TMEM117: variants seen among roughly 807,000 people sequenced by gnomAD.
The protein encoded by TMEM117 is transmembrane protein 117.
TMEM117 carries 27 observed loss-of-function variants against 52.4 expected under a neutral mutation model. The ratio of observed to expected loss-of-function variants is 0.51; its 90% CI spans 0.38 to 0.71. TMEM117 has a LOEUF of 0.71. Among genes scored for constraint, TMEM117 ranks in the 30% least tolerant of loss-of-function variants. The probability of loss-of-function intolerance (pLI) is 0.00; values close to 1 mark genes in which losing one functional copy is unlikely to be tolerated. For synonymous variants in TMEM117, 215 were observed against 206.3 expected, an observed-to-expected ratio of 1.04 and a Z score of -0.36; for missense variants, 556 against 630.5, an observed-to-expected ratio of 0.88 and a Z score of 1.26.
intron 3 of TMEM117, among the ~76,000 whole-genome samples, chr12:44,040,995 T>C (rs1946788386): frequency 6.6e-6 from 1 of 151,930 alleles, no homozygotes; most frequent in Non-Finnish European, 1.5e-5. Context: ...AATGAAAAAA[T>C]AAGCACATGG....
At chr12:44,328,632 G>T (rs866359942) in intron 6 of TMEM117, among the ~76,000 whole-genome samples, 13 of 152,044 alleles carry the variant, frequency 8.6e-5, no homozygotes, top group Non-Finnish European at 1.8e-4. Context: ...TTGGAATTTA[G>T]ATGTTTTCCC....
At chr12:43,875,458 T>C (rs897265789) in intron 2 of TMEM117, among the ~76,000 whole-genome samples, 3 of 152,220 alleles carry the variant, frequency 2.0e-5, no homozygotes, top group African/African-American at 7.2e-5. Flanking sequence ...ATCTGAGCTT[T>C]TGGGATATGC....
intron 5 of TMEM117, among the ~76,000 whole-genome samples, chr12:44,213,115 G>A (rs940925842): frequency 1.3e-5 from 2 of 152,002 alleles, no homozygotes; most frequent in African/African-American, 4.8e-5. Flanking sequence ...ATAATTTAAT[G>A]ATTATAAGAA....
At chr12:44,161,583 G>C (rs1051790344) in intron 4 of TMEM117, among the ~76,000 whole-genome samples, 1 of 152,170 alleles carries the variant, frequency 6.6e-6, no homozygotes, top group Non-Finnish European at 1.5e-5. Flanking sequence ...ATGCATATGT[G>C]TGTGTGACAT....
chr12:44,135,133 C>T lies in TMEM117; in HGVS notation c.411-8392C>T, dbSNP rs2138179557. Among the ~76,000 whole-genome samples, 2 of 152,250 alleles carry T rather than the reference C, an allele frequency of 1.3e-5. 1 individual carries two copies. Among genetic ancestry groups the T allele is most frequent in the Admixed American group, 1.3e-4 (2 of 15,294 alleles). On this transcript the variant is annotated intron_variant, in intron 3 of 7. Transcript: ENST00000266534. ...TCACTGGGTTATTTTCTCATATAACCTCCAGGAAAGATATTTCCTTCTTTC... is the reference window on the plus strand; with the variant it reads ...TCACTGGGTTATTTTCTCATATAACTTCCAGGAAAGATATTTCCTTCTTTC...
At chr12:44,213,403 C>T (rs1364398289) in intron 5 of TMEM117, among the ~76,000 whole-genome samples, 1 of 152,186 alleles carries the variant, frequency 6.6e-6, no homozygotes, top group Non-Finnish European at 1.5e-5. Flanking sequence ...CTCTTCCCTA[C>T]AAAATTCCCC....
chr12:44,372,730 A>T (rs958527337), intron 6 of TMEM117, among the ~76,000 whole-genome samples: 2 of 152,208 alleles, frequency 1.3e-5, no homozygotes, highest in Non-Finnish European at 1.5e-5. Context: ...GTTCTTAATT[A>T]AAAGCAGGAA....
At chr12:44,029,750 T>C (rs1358424157) in intron 3 of TMEM117, among the ~76,000 whole-genome samples, 1 of 152,210 alleles carries the variant, frequency 6.6e-6, no homozygotes, top group Non-Finnish European at 1.5e-5. Flanking sequence ...CTGTGTTCTA[T>C]AGTGGAGAGG....
At chr12:43,845,379 T>G (rs1943185778) in intron 2 of TMEM117, among the ~76,000 whole-genome samples, 1 of 144,190 alleles carries the variant, frequency 6.9e-6, no homozygotes, top group Non-Finnish European at 1.5e-5. Flanking sequence ...GAGAATCGCT[T>G]GAACCTGGGA....
chr12:44,314,903 G>A (rs1013585763), intron 6 of TMEM117, among the ~76,000 whole-genome samples: 2 of 152,052 alleles, frequency 1.3e-5, no homozygotes, highest in Non-Finnish European at 2.9e-5. Context: ...TTTTTTGTAT[G>A]TAGGTTTTTT....
At chr12:43,850,883 GA>G in intron 2 of TMEM117, among the ~76,000 whole-genome samples, 1 of 152,152 alleles carries the variant, frequency 6.6e-6, no homozygotes, top group Admixed American at 6.5e-5. Flanking sequence ...TGATGATGAT[GA>G]TGATGATGAT....
chr12:44,287,412 C>G (rs1950651579), intron 5 of TMEM117, among the ~76,000 whole-genome samples: 1 of 152,216 alleles, frequency 6.6e-6, no homozygotes, highest in Middle Eastern at 3.4e-3. Context: ...AGTAGAAACC[C>G]CCCAAGAAGT....
At chr12:44,323,983 A>AT (rs1487265793) in intron 6 of TMEM117, among the ~76,000 whole-genome samples, 1 of 151,874 alleles carries the variant, frequency 6.6e-6, no homozygotes, top group Admixed American at 6.6e-5. Context: ...GGTATACTCT[A>AT]TTTTTTTCCT....
At chr12:44,351,904 A>G (rs912837996) in intron 6 of TMEM117, among the ~76,000 whole-genome samples, 16 of 151,884 alleles carry the variant, frequency 1.1e-4, no homozygotes, top group African/African-American at 3.9e-4. Flanking sequence ...CATTCTCTAC[A>G]CAGCATTGGC....
chr12:44,341,080 C>T (rs1180201819), intron 6 of TMEM117, among the ~76,000 whole-genome samples: 1 of 151,896 alleles, frequency 6.6e-6, no homozygotes, highest in Non-Finnish European at 1.5e-5. Context: ...GCTCTTTGCA[C>T]TCTGGACCTA....
chr12:44,360,448 TC>T (rs1467202108), intron 6 of TMEM117, among the ~76,000 whole-genome samples: 6 of 151,622 alleles, frequency 4.0e-5, no homozygotes, highest in Admixed American at 6.6e-5. Flanking sequence ...GGTGGTGTAG[TC>T]CCAGCTACTC....
At chr12:44,370,516 T>A (rs1404932102) in intron 6 of TMEM117, among the ~76,000 whole-genome samples, 1 of 148,448 alleles carries the variant, frequency 6.7e-6, no homozygotes, top group African/African-American at 2.5e-5. Flanking sequence ...TTTTTTTTTT[T>A]TTTTTTTTTT....
chr12:43,901,241 T>G (rs1389264859), intron 2 of TMEM117, among the ~76,000 whole-genome samples: 5 of 152,184 alleles, frequency 3.3e-5, no homozygotes, highest in African/African-American at 1.2e-4. Flanking sequence ...ATATGAGAGT[T>G]ATTTTTCTCC....
At chr12:44,035,010 G>A (rs1408784498) in intron 3 of TMEM117, among the ~76,000 whole-genome samples, 1 of 152,124 alleles carries the variant, frequency 6.6e-6, no homozygotes, top group African/African-American at 2.4e-5. Context: ...CATCTTCTCT[G>A]GTCCTCAAAC....
Sources: gnomAD v4.1 joint callset for allele counts (sites outside exome capture counted in the v4.1 genomes callset) on GRCh38, gnomAD v4.1.1 for gene constraint, MANE v1.5 for transcripts, NCBI Gene and HGNC (gene_info 2026-07-23, HGNC 2026-07-21) for gene names.